The following DIP2A variants were observed in gnomAD, a reference collection of about 807,000 sequenced individuals.
DIP2A encodes disco-interacting protein 2 homolog A.
In DIP2A, 85 loss-of-function variants were observed where a neutral mutation model predicts 177.4. That is an observed-to-expected ratio of 0.48 (90% CI 0.40 to 0.57). The LOEUF (loss-of-function observed/expected upper bound fraction) is 0.57, where lower values mean the gene tolerates loss of function less well. DIP2A is among the 20% of genes least tolerant of loss of function. The pLI is 0.00. For missense variants in DIP2A, 1,791 were observed against 2,100.2 expected, an observed-to-expected ratio of 0.85 and a Z score of 2.88; for synonymous variants, 886 against 881.8, an observed-to-expected ratio of 1.00 and a Z score of -0.08.
chr21:46,545,358 T>C, intron 19 of DIP2A, 85 bp downstream of exon 19: 1 of 1,474,490 alleles, frequency 6.8e-7, no homozygotes, highest in South Asian at 1.4e-5. Flanking sequence ...GCTGGGGGAT[T>C]GCAGAGGCTG....
intron 11 of DIP2A, 147 bp downstream of exon 11, chr21:46,533,794 C>T (rs911287908): frequency 4.2e-5 from 54 of 1,272,538 alleles, no homozygotes; most frequent in Non-Finnish European, 5.7e-5. Context: ...TCTCGGTTTT[C>T]ATCTGGCTTC....
chr21:46,580,483 C>T, the DIP2A span, among the ~76,000 whole-genome samples: 1 of 152,212 alleles, frequency 6.6e-6, no homozygotes, highest in Non-Finnish European at 1.5e-5. Context: ...TTGATCCTGT[C>T]ATCATAATGC....
At position 46,483,489 on chromosome 21, in the gene DIP2A, A is replaced by G. The variant is rs146857102; in HGVS notation, c.92-1268A>G. Among the ~76,000 whole-genome samples, 314 of 152,324 alleles carry G rather than the reference A, an allele frequency of 2.1e-3. 2 individuals carry two copies. Among genetic ancestry groups the G allele is most frequent in the African/African-American group, 7.2e-3 (300 of 41,578 alleles). On this transcript the variant is annotated intron_variant, in intron 1 of 37. Transcript: ENST00000417564. ...TGTGCAGAGGGCAGGGCTTGGGCGCAGTGCAGGGTGGAGTAGGTGGGGAGG... is the reference window on the plus strand; with the variant it reads ...TGTGCAGAGGGCAGGGCTTGGGCGCGGTGCAGGGTGGAGTAGGTGGGGAGG...
chr21:46,582,320 C>G, the DIP2A span, among the ~76,000 whole-genome samples: 1 of 152,134 alleles, frequency 6.6e-6, no homozygotes, highest in Non-Finnish European at 1.5e-5. Flanking sequence ...CAGACTGGAG[C>G]TGCAGTGATG....
chr21:46,476,129 C>G (rs2055823323), intron 1 of DIP2A, among the ~76,000 whole-genome samples: 2 of 151,764 alleles, frequency 1.3e-5, no homozygotes, highest in South Asian at 4.2e-4. Context: ...ACCTGTAGTC[C>G]CAGCTACTCG....
Position 46,554,308 on chromosome 21 carries a change from G to A in DIP2A, c.3154+16G>A, listed in dbSNP as rs773918897. ...TACCCACCAGGTGGGCTCACTGTGG[G>A]GCTGTCCACCTGCAGCTCTTTGTAA... is the stretch of plus-strand genomic sequence containing the variant. On this transcript the variant is annotated intron_variant, in intron 26 of 37. Transcript: ENST00000417564. The A allele has an allele frequency of 6.2e-6, 10 of 1,612,988 alleles. No individual in the cohort carries two copies. Among genetic ancestry groups the A allele is most frequent in the Middle Eastern group, 1.6e-4 (1 of 6,078 alleles).
Position 46,554,305 on chromosome 21 carries a change from T to C in DIP2A, c.3154+13T>C. The C allele has an allele frequency of 1.2e-6, 2 of 1,613,322 alleles. No homozygotes were observed. Among genetic ancestry groups the C allele is most frequent in the Non-Finnish European group, 1.7e-6 (2 of 1,179,484 alleles). On this transcript the variant is annotated intron_variant, in intron 26 of 37. Transcript: ENST00000417564. ...GTCTACCCACCAGGTGGGCTCACTG[T>C]GGGGCTGTCCACCTGCAGCTCTTTG...
chr21:46,549,756 T>G lies in DIP2A; in HGVS notation c.2523-15T>G, dbSNP rs1172848911. The G allele has an allele frequency of 6.2e-7, 1 of 1,613,166 alleles. No individual in the cohort carries two copies. On this transcript the variant is annotated splice_polypyrimidine_tract_variant and intron_variant, in intron 21 of 37. Transcript: ENST00000417564. ...GCCTCTTGCCGTGTGGCCATTTCCA[T>G]GTCTCATCCCGCAGGATCGCTGTGT...
At chr21:46,459,291 C>T (rs2054060302) in intron 1 of DIP2A, 69 bp downstream of exon 1, 4 of 1,344,164 alleles carry the variant, frequency 3.0e-6, no homozygotes, top group Non-Finnish European at 3.9e-6. Flanking sequence ...GCCCCTCACT[C>T]CGGGACCCCC....
At chr21:46,472,920 C>T (rs748935211) in intron 1 of DIP2A, among the ~76,000 whole-genome samples, 13 of 152,128 alleles carry the variant, frequency 8.5e-5, no homozygotes, top group Non-Finnish European at 1.5e-4. Context: ...CTGTGGTGTC[C>T]AGCATGGTGG....
Position 46,538,488 on chromosome 21 carries a change from G to T in DIP2A, c.1807G>T (p.Ala603Ser). Residue 603 changes from alanine (A) to serine (S), a missense_variant, in exon 16 of 38, where the codon GCC becomes TCC. Physicochemically the swap from Ala to Ser is moderately conservative, Grantham distance 99 (BLOSUM62 1). Coordinates refer to ENST00000417564, the MANE Select transcript of DIP2A (RefSeq NM_015151.4). ...GTGCCATCCTCTCTCTGCAGCTCGG[G>T]CCGCGCTGGTGAAGTCGCGAGACAT... ...IQKVCFYKAR[A>S]ALVKSRDMHW... 1 of 1,545,004 alleles carries T rather than the reference G, an allele frequency of 6.5e-7. No individual in the cohort carries two copies. Among genetic ancestry groups the T allele is most frequent in the South Asian group, 1.2e-5 (1 of 84,098 alleles).
chr21:46,539,004 C>G (rs1393305038), intron 16 of DIP2A: 1 of 183,798 alleles, frequency 5.4e-6, no homozygotes, highest in African/African-American at 2.5e-5. Flanking sequence ...CATTCTCCCT[C>G]CTGGTTTGCC....
chr21:46,520,086 G>A (rs902023926), intron 8 of DIP2A, among the ~76,000 whole-genome samples: 14 of 151,794 alleles, frequency 9.2e-5, no homozygotes, highest in African/African-American at 3.4e-4. Flanking sequence ...ATGTTAGCCA[G>A]GACGGTCTCG....
rs138814032 is a variant in DIP2A at position 46,545,342 on chromosome 21, C to T, written c.2313+69C>T. The stretch of plus-strand genomic sequence containing the variant: ...GAGCACTCATGGGGTCCCAGGTGTG[C>T]TGGGTGCTGGGGGATTGCAGAGGCT... On this transcript the variant is annotated intron_variant, in intron 19 of 37. Transcript: ENST00000417564. 5,566 of 1,531,950 alleles carry T rather than the reference C, an allele frequency of 3.6e-3. 60 individuals carry two copies. Among genetic ancestry groups the T allele is most frequent in the Middle Eastern group, 0.032 (186 of 5,734 alleles). The allele number at this position is 1,531,950 out of a possible 1,614,324, so 94.9% of individuals were successfully genotyped here. A position where few individuals can be genotyped will look rare whatever the true frequency, so the allele number is the denominator to read the frequency against.
intron 1 of DIP2A, among the ~76,000 whole-genome samples, chr21:46,467,746 T>G (rs1034620935): frequency 2.0e-5 from 3 of 147,956 alleles, no homozygotes; most frequent in African/African-American, 4.9e-5. Context: ...GTTTTGTTTG[T>G]TTTTTTTTTC....
At chr21:46,517,853 G>A (rs1299676898) in intron 8 of DIP2A, among the ~76,000 whole-genome samples, 3 of 152,260 alleles carry the variant, frequency 2.0e-5, no homozygotes, top group African/African-American at 7.2e-5. Flanking sequence ...CATGGACAGC[G>A]TAAAGACAGC....
At chr21:46,547,066 C>G (rs375572494) in intron 21 of DIP2A, 24 bp downstream of exon 21, 2 of 1,607,018 alleles carry the variant, frequency 1.2e-6, no homozygotes, top group African/African-American at 1.3e-5. Flanking sequence ...GACCCCCACG[C>G]CGGGAGTAGA....
the DIP2A span, among the ~76,000 whole-genome samples, chr21:46,579,688 T>G: frequency 2.0e-5 from 3 of 152,218 alleles, no homozygotes; most frequent in Non-Finnish European, 4.4e-5. Flanking sequence ...AGTTCTTGAT[T>G]TGTGCCTTAA....
At chr21:46,486,673 A>G (rs947967214) in intron 2 of DIP2A, among the ~76,000 whole-genome samples, 1 of 152,232 alleles carries the variant, frequency 6.6e-6, no homozygotes, top group African/African-American at 2.4e-5. Flanking sequence ...CATTGTAACC[A>G]CAGCCATCTG....
Sources: allele counts gnomAD v4.1 joint callset (sites outside exome capture counted in the v4.1 genomes callset), GRCh38; gene constraint gnomAD v4.1.1; transcripts MANE v1.5; gene names NCBI Gene and HGNC (gene_info 2026-07-23, HGNC 2026-07-21).